Variants in CD109 observed in about 807,000 individuals in gnomAD.
CD109 encodes CD109 molecule, also known as CD109 antigen.
In CD109, 149 loss-of-function variants were observed where a neutral mutation model predicts 165.8. That is an observed-to-expected ratio of 0.90 (90% CI 0.79 to 1.03). The LOEUF (loss-of-function observed/expected upper bound fraction) is 1.03, where lower values mean the gene tolerates loss of function less well. CD109 is among the 50% of genes least tolerant of loss of function. The pLI is 0.00. For synonymous variants in CD109, 585 were observed against 592.1 expected (o/e 0.99, Z 0.18); for missense variants, 1,712 against 1,677.8 (o/e 1.02, Z -0.36).
At chr6:73,686,955 G>A in the CD109 span, among the ~76,000 whole-genome samples, 1 of 152,218 alleles carries the variant, frequency 6.6e-6, no homozygotes, top group East Asian at 1.9e-4. Context: ...GTCTCCCAAA[G>A]TGTTGGGATT....
chr6:73,781,011 G>A (rs1231635623), intron 16 of CD109, among the ~76,000 whole-genome samples: 7 of 150,636 alleles, frequency 4.6e-5, no homozygotes, highest in Non-Finnish European at 8.9e-5. Flanking sequence ...GTATGCGTGT[G>A]TGTGTGTGTT....
chr6:73,794,892 G>A (rs1174666964), intron 23 of CD109, among the ~76,000 whole-genome samples: 1 of 151,678 alleles, frequency 6.6e-6, no homozygotes, highest in Non-Finnish European at 1.5e-5. Context: ...GATTGGTCGT[G>A]TTTTAAATAT....
At chr6:73,789,390 G>A (rs995779106) in intron 22 of CD109, among the ~76,000 whole-genome samples, 3 of 151,764 alleles carry the variant, frequency 2.0e-5, no homozygotes, top group Non-Finnish European at 4.4e-5. Context: ...GCTGGTTGAC[G>A]TAGTCATCAC....
chr6:73,822,914 T>C (rs896768346), intron 32 of CD109, among the ~76,000 whole-genome samples: 1 of 141,558 alleles, frequency 7.1e-6, no homozygotes, highest in African/African-American at 3.2e-5. Context: ...TGTGGTGTTA[T>C]AGGTACTTTA....
At chr6:73,756,741 T>C in intron 6 of CD109, 59 bp downstream of exon 6, 1 of 1,222,266 alleles carries the variant, frequency 8.2e-7, no homozygotes, top group Non-Finnish European at 1.1e-6. Flanking sequence ...CAGCAGAGAT[T>C]AGAGAAATTT....
At chr6:73,808,843 T>C (rs1396230813) in intron 26 of CD109, among the ~76,000 whole-genome samples, 1 of 111,776 alleles carries the variant, frequency 8.9e-6, no homozygotes, top group Non-Finnish European at 2.0e-5. Flanking sequence ...TGTGTGTGTG[T>C]GTAAGAAAGA....
intron 2 of CD109, among the ~76,000 whole-genome samples, chr6:73,701,609 T>C (rs1446084796): frequency 6.6e-6 from 1 of 152,376 alleles, no homozygotes; most frequent in East Asian, 1.9e-4. Context: ...ATTTTCGTGA[T>C]GTCCTTGAAA....
At chr6:73,685,027 C>G in the CD109 span, among the ~76,000 whole-genome samples, 1 of 150,928 alleles carries the variant, frequency 6.6e-6, no homozygotes, top group Admixed American at 6.6e-5. Context: ...AGTGATTTTC[C>G]TGCCTCAGCC....
intron 23 of CD109, among the ~76,000 whole-genome samples, chr6:73,794,663 C>T (rs181659794): frequency 2.0e-4 from 30 of 152,158 alleles, no homozygotes; most frequent in African/African-American, 6.0e-4. Flanking sequence ...GGGAGACCAG[C>T]GTTTAGAATC....
chr6:73,737,664 G>A (rs1192439961), intron 5 of CD109, among the ~76,000 whole-genome samples: 1 of 152,206 alleles, frequency 6.6e-6, no homozygotes, highest in East Asian at 1.9e-4. Flanking sequence ...GATGTGATGA[G>A]TTCTAGGGGA....
intron 11 of CD109, 47 bp from the exon 12 acceptor site, chr6:73,766,712 G>A: frequency 7.7e-7 from 1 of 1,306,058 alleles, no homozygotes; most frequent in Non-Finnish European, 1.1e-6. Flanking sequence ...TTTTCTCAAG[G>A]TGTTACTAAA....
the CD109 span, among the ~76,000 whole-genome samples, chr6:73,684,519 C>A: frequency 2.6e-5 from 4 of 151,592 alleles, no homozygotes; most frequent in Non-Finnish European, 5.9e-5. Flanking sequence ...CTGCACCTGG[C>A]CAACTTTTGT....
chr6:73,812,334 G>T, intron 29 of CD109, 64 bp downstream of exon 29: 1 of 1,077,052 alleles, frequency 9.3e-7, no homozygotes, highest in Non-Finnish European at 1.4e-6. Flanking sequence ...TTTGGTTTGG[G>T]GCTTTATTAA....
In CD109 at chr6:73,807,002, G is replaced by A. The variant is rs1432911572; in HGVS notation, c.3119G>A (p.Gly1040Asp). The change falls in exon 25 of 33, where the codon GGT becomes GAT. Residue 1040 changes from glycine (G) to aspartate (D), a missense_variant. Transcript: ENST00000287097. ...PGRVIHSELQ[G>D]GNKSPVTLTA... ...AGAGTGATTCATAGTGAGCTTCAAG[G>A]TGGCAATAAAAGTCCAGTAACACTT... The A allele has an allele frequency of 3.7e-6, 6 of 1,613,894 alleles. No individual in the cohort carries two copies. The highest frequency in any genetic ancestry group is 2.7e-5 in the African/African-American group (2 of 74,892).
intron 6 of CD109, among the ~76,000 whole-genome samples, chr6:73,757,292 T>C (rs1773434136): frequency 6.6e-6 from 1 of 152,220 alleles, no homozygotes; most frequent in Non-Finnish European, 1.5e-5. Flanking sequence ...GTAGAAATTA[T>C]AATATACAGG....
chr6:73,810,862 A>C, intron 27 of CD109, 130 bp from the exon 28 acceptor site: 1 of 873,628 alleles, frequency 1.1e-6, no homozygotes, highest in Non-Finnish European at 1.7e-6. Context: ...AGGACATTCA[A>C]ATATGAATCA....
In CD109 at chr6:73,788,494, A is replaced by G. The variant is rs1774784703; in HGVS notation, c.2583A>G (p.Ser861=). The change falls in exon 22 of 33, where the codon TCA becomes TCG. Residue 861 remains serine (S), a synonymous_variant. Transcript: ENST00000287097. ...VKAEGIEKSY[S]QSILLDLTDN... is the part of the protein sequence containing the mutation. Reference sequence around the variant, plus strand: ...CTGAAGGAATAGAAAAATCATATTCACAATCCATCTTATTAGACTTGACTG... The same window carrying G: ...CTGAAGGAATAGAAAAATCATATTCGCAATCCATCTTATTAGACTTGACTG... The G allele has an allele frequency of 6.2e-7, 1 of 1,609,894 alleles. No individual in the cohort carries two copies. The highest frequency in any genetic ancestry group is 1.1e-5 in the South Asian group (1 of 89,830).
chr6:73,770,094 T>TA (rs939551824), intron 14 of CD109, among the ~76,000 whole-genome samples: 1 of 152,114 alleles, frequency 6.6e-6, no homozygotes, highest in African/African-American at 2.4e-5. Context: ...AATTAGTACT[T>TA]ACTGAAGTTA....
intron 2 of CD109, among the ~76,000 whole-genome samples, chr6:73,704,297 A>G (rs977369977): frequency 6.6e-6 from 1 of 152,174 alleles, no homozygotes; most frequent in African/African-American, 2.4e-5. Context: ...GTACTCGACC[A>G]AATACTGGAA....
Sources: gnomAD v4.1 joint callset for allele counts (sites outside exome capture counted in the v4.1 genomes callset) on GRCh38, gnomAD v4.1.1 for gene constraint, MANE v1.5 for transcripts, NCBI Gene and HGNC (gene_info 2026-07-23, HGNC 2026-07-21) for gene names.